Variants in HVCN1 observed in about 807,000 individuals in gnomAD.
HVCN1 encodes the protein voltage-gated hydrogen channel 1.
In HVCN1, 14 loss-of-function variants were observed where a neutral mutation model predicts 29.2. The observed-to-expected ratio is 0.48, with a 90% CI of 0.32 to 0.75. The LOEUF (loss-of-function observed/expected upper bound fraction) is 0.75, where lower values mean the gene tolerates loss of function less well. Ranked by LOEUF, HVCN1 falls within the 30% of genes least tolerant of loss-of-function variation. The probability of loss-of-function intolerance (pLI) is 0.04; values close to 1 mark genes in which losing one functional copy is unlikely to be tolerated. For missense variants in HVCN1, 263 were observed against 341.8 expected, an observed-to-expected ratio of 0.77 and a Z score of 1.82; for synonymous variants, 131 against 133.2, an observed-to-expected ratio of 0.98 and a Z score of 0.11.
chr12:110,679,795 G>A (rs942325054), intron 3 of HVCN1, among the ~76,000 whole-genome samples: 4 of 152,026 alleles, frequency 2.6e-5, no homozygotes, highest in African/African-American at 9.7e-5. Context: ...GGAGCTTGCA[G>A]TGAGCCGAGA....
At chr12:110,696,864 T>A (rs2069501179) in intron 2 of HVCN1, among the ~76,000 whole-genome samples, 1 of 152,138 alleles carries the variant, frequency 6.6e-6, no homozygotes, top group African/African-American at 2.4e-5. Context: ...CTGGTTTATA[T>A]AATAAACCAG....
chr12:110,666,729 C>T (rs918432283), intron 3 of HVCN1, among the ~76,000 whole-genome samples: 2 of 152,174 alleles, frequency 1.3e-5, no homozygotes, highest in African/African-American at 2.4e-5. Context: ...ATCCGAGCTT[C>T]GCTTACTCTT....
At chr12:110,693,296 C>A (rs1009692030), upstream of HVCN1, among the ~76,000 whole-genome samples, 4 of 152,142 alleles carry the variant, frequency 2.6e-5, no homozygotes, top group Non-Finnish European at 5.9e-5. Context: ...GTAATCCCAG[C>A]ACTTTGGGAG....
chr12:110,682,387 T>C (rs899987525), intron 3 of HVCN1, among the ~76,000 whole-genome samples: 1 of 152,130 alleles, frequency 6.6e-6, no homozygotes, highest in African/African-American at 2.4e-5. Context: ...TTTGTAGAGA[T>C]AGGGTTTTGC....
chr12:110,667,054 C>T (rs891876255), intron 3 of HVCN1, among the ~76,000 whole-genome samples: 12 of 152,150 alleles, frequency 7.9e-5, no homozygotes, highest in Non-Finnish European at 8.8e-5. Context: ...TCATCTCGGC[C>T]GGACCAAACA....
upstream of HVCN1, chr12:110,689,168 G>GCCCCGCCCCCGCCCGGGCCGC (rs901607420): frequency 6.7e-6 from 1 of 148,322 alleles, no homozygotes; most frequent in African/African-American, 2.5e-5. This position sits in a 1 kb window ranked among gnomAD's most constrained non-coding sequence, Gnocchi z 5.7. Context: ...ACCGTACCAG[G>GCCCCGCCCCCGCCCGGGCCGC]CCCCGCCCCC....
intron 5 of HVCN1, among the ~76,000 whole-genome samples, chr12:110,652,065 C>T (rs2067832146): frequency 6.6e-6 from 1 of 152,164 alleles, no homozygotes; most frequent in Admixed American, 6.5e-5. Flanking sequence ...GAGTGATCAC[C>T]AAGGTGGTGT....
intron 5 of HVCN1, among the ~76,000 whole-genome samples, chr12:110,653,445 C>T: frequency 6.7e-6 from 1 of 148,964 alleles, no homozygotes; most frequent in Non-Finnish European, 1.5e-5. Flanking sequence ...GGTGACAGGG[C>T]AAGACTCTGT....
rs922253645 is a variant in HVCN1 at position 110,658,576 on chromosome 12, A to T, written c.306+2588T>A. Among the ~76,000 whole-genome samples, 2 of 151,996 alleles carry T rather than the reference A, an allele frequency of 1.3e-5. No individual in the cohort carries two copies. The highest frequency in any genetic ancestry group is 4.8e-5 in the African/African-American group (2 of 41,366). ...TGGAAGCCTCCCACGCCATCCACCC[A>T]TCGGGCTCACTCCTGCTCAGCATGC... is the stretch of plus-strand genomic sequence containing the variant. On this transcript the variant is annotated intron_variant, in intron 4 of 7. Transcript: ENST00000242607. The surrounding 1 kb of genome is among the most constrained non-coding windows in gnomAD (Gnocchi z 5.0).
chr12:110,682,761 C>G (rs113457537), intron 3 of HVCN1: 1 of 211,992 alleles, frequency 4.7e-6, no homozygotes, highest in African/African-American at 2.4e-5. Context: ...ATGCACTGTT[C>G]GAGACCAGCC....
chr12:110,679,663 C>T (rs1048013149), intron 3 of HVCN1, among the ~76,000 whole-genome samples: 3 of 152,012 alleles, frequency 2.0e-5, no homozygotes, highest in Admixed American at 6.6e-5. Context: ...ACCATCCTGG[C>T]TAACAAGGTG....
chr12:110,681,520 C>A (rs1296813412), intron 3 of HVCN1, among the ~76,000 whole-genome samples: 1 of 152,214 alleles, frequency 6.6e-6, no homozygotes, highest in Non-Finnish European at 1.5e-5. Context: ...TAATAGGGAA[C>A]TACAAATGAA....
chr12:110,659,801 C>T (rs905776086), intron 4 of HVCN1, among the ~76,000 whole-genome samples: 16 of 152,314 alleles, frequency 1.1e-4, no homozygotes, highest in African/African-American at 3.6e-4. Flanking sequence ...GGCATAGTGG[C>T]TCACGCCTGT....
At chr12:110,670,901 G>A (rs1243128041) in intron 3 of HVCN1, among the ~76,000 whole-genome samples, 1 of 152,140 alleles carries the variant, frequency 6.6e-6, no homozygotes. Flanking sequence ...CTTACAAAAA[G>A]AGAAAAGGGG....
chr12:110,690,918 C>G (rs1239271687), upstream of HVCN1, among the ~76,000 whole-genome samples: 1 of 149,976 alleles, frequency 6.7e-6, no homozygotes, highest in East Asian at 2.0e-4. Context: ...CCACGCCTGG[C>G]TAATTTTTGT....
At chr12:110,649,936 C>T (rs894796087) in intron 7 of HVCN1, among the ~76,000 whole-genome samples, 1 of 152,194 alleles carries the variant, frequency 6.6e-6, no homozygotes, top group African/African-American at 2.4e-5. Context: ...ACCTCCACCT[C>T]CCGGGTTCAA....
At chr12:110,683,914 AAAAAAAAAAAAGG>A (rs1399870362) in intron 2 of HVCN1, among the ~76,000 whole-genome samples, 38 of 125,132 alleles carry the variant, frequency 3.0e-4, no homozygotes, top group African/African-American at 9.2e-4. Context: ...CTATCTAAAA[AAAAAAAAAAAAGG>A]AAAAAAAAAA....
At chr12:110,688,064 A>C (rs921734057) in intron 2 of HVCN1, 25 of 152,324 alleles carry the variant, frequency 1.6e-4, no homozygotes, top group African/African-American at 6.0e-4. Flanking sequence ...CTGAAGTTAA[A>C]GGTGCCCAGG....
In HVCN1 at chr12:110,661,251, G is replaced by A. The variant is rs1472137543; in HGVS notation, c.219C>T (p.Asp73=). 5.6e-6 allele frequency: 9 copies of A among 1,614,050 alleles called. No homozygotes were observed. Among genetic ancestry groups the A allele is most frequent in the African/African-American group, 4.0e-5 (3 of 74,940 alleles). The change falls in exon 4 of 8, where the codon GAC becomes GAT. Residue 73 remains aspartate, a synonymous_variant. Transcript: ENST00000242607. The surrounding 1 kb of genome is among the most constrained non-coding windows in gnomAD (Gnocchi z 6.2). ...GTGCGGGGCCAGGGGCAGGGGCAAC[G>A]TCAGGGGCTGCAGCTCTGCCTTCCT... ...SGEEGRAAAP[D]VAPAPGPAPR... is the part of the protein sequence containing the mutation.
Sources: gnomAD v4.1 joint callset for allele counts (sites outside exome capture counted in the v4.1 genomes callset) on GRCh38, gnomAD v4.1.1 for gene constraint, Gnocchi (gnomAD v3.1) non-coding constraint, MANE v1.5 for transcripts, NCBI Gene and HGNC (gene_info 2026-07-23, HGNC 2026-07-21) for gene names.